GLIS1: variants seen among roughly 807,000 people sequenced by gnomAD.
GLIS1 encodes GLIS family zinc finger 1.
A neutral mutation model predicts 63.8 loss-of-function variants in GLIS1; 24 were observed. That is an observed-to-expected ratio of 0.38 (90% CI 0.27 to 0.53). GLIS1 has a LOEUF of 0.53. GLIS1 is among the 20% of genes least tolerant of loss of function. GLIS1 has a pLI of 0.85. For synonymous variants in GLIS1, 450 were observed against 482.5 expected, an observed-to-expected ratio of 0.93 and a Z score of 0.88; for missense variants, 1,036 against 1,074.1, an observed-to-expected ratio of 0.96 and a Z score of 0.50.
intron 2 of GLIS1, among the ~76,000 whole-genome samples, chr1:53,649,879 A>G (rs893482513): frequency 6.6e-6 from 1 of 152,206 alleles, no homozygotes; most frequent in African/African-American, 2.4e-5. Context: ...GCTTCTGATC[A>G]ACAGTAGGTC....
At chr1:53,668,522 C>T (rs1029125403) in intron 2 of GLIS1, among the ~76,000 whole-genome samples, 3 of 152,154 alleles carry the variant, frequency 2.0e-5, no homozygotes, top group Non-Finnish European at 2.9e-5. Context: ...CCACCATGCC[C>T]GGCTAATTTT....
At chr1:53,683,066 G>A (rs966762093) in intron 2 of GLIS1, among the ~76,000 whole-genome samples, 10 of 152,180 alleles carry the variant, frequency 6.6e-5, no homozygotes, top group Non-Finnish European at 1.2e-4. Flanking sequence ...TCAAGGGAAT[G>A]GTCTGTGCAA....
intron 4 of GLIS1, among the ~76,000 whole-genome samples, chr1:53,589,994 A>G (rs1384040923): frequency 6.6e-6 from 1 of 152,214 alleles, no homozygotes; most frequent in East Asian, 1.9e-4. Flanking sequence ...AGGCTGCTAC[A>G]GTCTCAAGTC....
At chr1:53,714,597 C>G (rs576223727) in intron 2 of GLIS1, among the ~76,000 whole-genome samples, 1 of 152,226 alleles carries the variant, frequency 6.6e-6, no homozygotes, top group South Asian at 2.1e-4. Flanking sequence ...GTACCAGCTG[C>G]GGGCAGCATC....
chr1:53,711,048 A>G (rs115859820), intron 2 of GLIS1, among the ~76,000 whole-genome samples: 7,266 of 151,980 alleles, frequency 0.048, 260 homozygotes, highest in Non-Finnish European at 0.078. Flanking sequence ...AACCACTCAC[A>G]CCCTATCACA....
intron 2 of GLIS1, among the ~76,000 whole-genome samples, chr1:53,600,902 C>T (rs763336501): frequency 1.3e-5 from 2 of 152,236 alleles, no homozygotes; most frequent in Non-Finnish European, 2.9e-5. Context: ...TGCCCTGCCT[C>T]GCCCTGCTAG....
At chr1:53,643,270 C>T (rs967081712) in intron 2 of GLIS1, among the ~76,000 whole-genome samples, 1 of 152,194 alleles carries the variant, frequency 6.6e-6, no homozygotes, top group Non-Finnish European at 1.5e-5. Context: ...AAAGTTTTAA[C>T]GTTGCCCCAG....
At chr1:53,576,474 C>A (rs1645033069) in intron 4 of GLIS1, among the ~76,000 whole-genome samples, 1 of 152,210 alleles carries the variant, frequency 6.6e-6, no homozygotes, top group Non-Finnish European at 1.5e-5. Flanking sequence ...ATGGTGATCA[C>A]TGAGCACAGC....
At chr1:53,709,436 ACACACACT>A in intron 2 of GLIS1, among the ~76,000 whole-genome samples, 1 of 147,520 alleles carries the variant, frequency 6.8e-6, no homozygotes. Flanking sequence ...ACACACACAC[ACACACACT>A]TGTTGATGGT....
intron 2 of GLIS1, among the ~76,000 whole-genome samples, chr1:53,693,033 G>T (rs116246676): frequency 6.6e-6 from 1 of 152,122 alleles, no homozygotes; most frequent in Non-Finnish European, 1.5e-5. Context: ...TCCCTCACAG[G>T]TGCACAGCAC....
intron 2 of GLIS1, among the ~76,000 whole-genome samples, chr1:53,608,707 C>G (rs1002015340): frequency 6.6e-6 from 1 of 152,198 alleles, no homozygotes; most frequent in African/African-American, 2.4e-5. Context: ...ACAGCAGGCA[C>G]TACATAACTG....
At chr1:53,682,329 G>A (rs1354197433) in intron 2 of GLIS1, among the ~76,000 whole-genome samples, 1 of 152,266 alleles carries the variant, frequency 6.6e-6, no homozygotes, top group African/African-American at 2.4e-5. Context: ...GGAGTGGGGG[G>A]ATGAAAGGTG....
At chr1:53,540,235 C>A (rs1461230945) in intron 4 of GLIS1, among the ~76,000 whole-genome samples, 1 of 152,204 alleles carries the variant, frequency 6.6e-6, no homozygotes, top group Non-Finnish European at 1.5e-5. Context: ...CGGAGAGGAG[C>A]ATGTTCCCAT....
At chr1:53,652,408 C>T (rs1375372412) in intron 2 of GLIS1, among the ~76,000 whole-genome samples, 1 of 152,118 alleles carries the variant, frequency 6.6e-6, no homozygotes, top group African/African-American at 2.4e-5. Flanking sequence ...CCTGCCATAC[C>T]TGAAGGCATG....
rs546266282 is a variant in GLIS1 at position 53,695,247 on chromosome 1, C to T, written c.259+42559G>A. ...GTGACCACAGGCCGTCATCTCACCTCGAGAGCTTGCAGCTCCCATGTGTAA... is the reference window on the plus strand; with the variant it reads ...GTGACCACAGGCCGTCATCTCACCTTGAGAGCTTGCAGCTCCCATGTGTAA... On this transcript the variant is annotated intron_variant, in intron 2 of 10. Transcript: ENST00000628545. 1.4e-4 allele frequency among the ~76,000 whole-genome samples: 22 copies of T among 152,358 alleles called. 1 individual carries two copies. The South Asian group carries it at 1.9e-3, about 13-fold the overall frequency.
In GLIS1 at chr1:53,656,566, A is replaced by G. The variant is rs188136921; in HGVS notation, c.260-56288T>C. On this transcript the variant is annotated intron_variant, in intron 2 of 10. Coordinates refer to ENST00000628545, the MANE Select transcript of GLIS1 (RefSeq NM_001367484.1). The stretch of plus-strand genomic sequence containing the variant: ...AAAATAACCCAACATACTAGACATG[A>G]AGAACACATCTTATAGACTTCTCCT... 7.9e-5 allele frequency among the ~76,000 whole-genome samples: 12 copies of G among 152,346 alleles called. No homozygotes were observed. The East Asian group carries it at 2.3e-3, about 29-fold the overall frequency.
At chr1:53,551,151 A>AT (rs1239368462) in intron 4 of GLIS1, among the ~76,000 whole-genome samples, 4 of 152,180 alleles carry the variant, frequency 2.6e-5, no homozygotes, top group South Asian at 4.2e-4. Context: ...CCGGCCAGTG[A>AT]TTTTTTAAAG....
rs1004134032 is a variant in GLIS1 at position 53,646,365 on chromosome 1, A to G, written c.260-46087T>C. ...AAAAAGTTAATTTGACAAGGTCAGT[A>G]GATATAACAGGAACACTCAAAACTC... On this transcript the variant is annotated intron_variant, in intron 2 of 10. Transcript: ENST00000628545. This position sits in a 1 kb window ranked among gnomAD's most constrained non-coding sequence, Gnocchi z 4.2. Among the ~76,000 whole-genome samples the G allele has an allele frequency of 6.6e-6, 1 of 152,258 alleles. No individual in the cohort carries two copies. The highest frequency in any genetic ancestry group is 2.4e-5 in the African/African-American group (1 of 41,470).
intron 2 of GLIS1, among the ~76,000 whole-genome samples, chr1:53,702,661 C>T (rs1481442738): frequency 6.6e-6 from 1 of 152,248 alleles, no homozygotes; most frequent in African/African-American, 2.4e-5. Flanking sequence ...GGGTTACGGC[C>T]ACTTGACAGT....
Sources: allele counts gnomAD v4.1 joint callset (sites outside exome capture counted in the v4.1 genomes callset), GRCh38; gene constraint gnomAD v4.1.1; non-coding constraint Gnocchi (gnomAD v3.1); transcripts MANE v1.5; gene names NCBI Gene and HGNC (gene_info 2026-07-23, HGNC 2026-07-21).